TTC17: variants seen among roughly 807,000 people sequenced by gnomAD.
TTC17 encodes tetratricopeptide repeat protein 17.
A neutral mutation model predicts 143.8 loss-of-function variants in TTC17; 58 were observed. The observed-to-expected ratio is 0.40, with a 90% CI of 0.33 to 0.50. The LOEUF (loss-of-function observed/expected upper bound fraction) is 0.50. TTC17 is among the 20% of genes least tolerant of loss of function. The pLI is 0.49. For synonymous variants in TTC17, 501 were observed against 497.8 expected (o/e 1.01, Z -0.09); for missense variants, 1,273 against 1,392.5 (o/e 0.91, Z 1.37).
At chr11:43,407,283 C>T in intron 14 of TTC17, 68 bp downstream of exon 14, 1 of 1,566,634 alleles carries the variant, frequency 6.4e-7, no homozygotes, top group Non-Finnish European at 8.7e-7. Context: ...TTAAAATGCA[C>T]TTATTAAAAA....
At chr11:43,371,027 G>C (rs1011387495) in intron 1 of TTC17, among the ~76,000 whole-genome samples, 3 of 151,552 alleles carry the variant, frequency 2.0e-5, no homozygotes, top group Middle Eastern at 3.4e-3. Flanking sequence ...GGGAGGTGGG[G>C]GGGGGGGTCT....
At chr11:43,440,899 C>T (rs1438446582) in intron 16 of TTC17, among the ~76,000 whole-genome samples, 5 of 152,034 alleles carry the variant, frequency 3.3e-5, no homozygotes, top group South Asian at 2.1e-4. Flanking sequence ...AATGCCCTCA[C>T]ATGTGCCTTT....
chr11:43,372,572 C>A (rs907872902), intron 1 of TTC17, among the ~76,000 whole-genome samples: 43 of 151,712 alleles, frequency 2.8e-4, no homozygotes, highest in African/African-American at 9.9e-4. Context: ...CTCACTGCAA[C>A]CTCCACCTCC....
At chr11:43,446,137 A>C in intron 18 of TTC17, 2 of 1,370,866 alleles carry the variant, frequency 1.5e-6, no homozygotes, top group Non-Finnish European at 1.9e-6. Flanking sequence ...GTACCCTTCA[A>C]CACCATTCTC....
At chr11:43,443,711 A>C (rs1947475755) in intron 17 of TTC17, 127 bp downstream of exon 17, 1 of 1,234,664 alleles carries the variant, frequency 8.1e-7, no homozygotes, top group Non-Finnish European at 1.1e-6. Flanking sequence ...GACAGCCTTC[A>C]CATTGGAATT....
intron 8 of TTC17, among the ~76,000 whole-genome samples, chr11:43,399,316 ATCG>A (rs1283282979): frequency 6.6e-6 from 1 of 152,218 alleles, no homozygotes; most frequent in Admixed American, 6.5e-5. Flanking sequence ...AAACTTGTAT[ATCG>A]TCATGTATTT....
At chr11:43,424,906 C>G (rs1946990349) in intron 16 of TTC17, among the ~76,000 whole-genome samples, 1 of 152,186 alleles carries the variant, frequency 6.6e-6, no homozygotes, top group South Asian at 2.1e-4. Flanking sequence ...ATATAGTTCC[C>G]CCTAGTCATT....
At chr11:43,405,739 C>A in intron 12 of TTC17, 47 bp from the exon 13 acceptor site, 1 of 1,612,190 alleles carries the variant, frequency 6.2e-7, no homozygotes, top group South Asian at 1.1e-5. Flanking sequence ...ATCTTGAAGT[C>A]ACCCAAACTT....
At chr11:43,359,591 G>A (rs1856013548) in intron 1 of TTC17, among the ~76,000 whole-genome samples, 1 of 152,198 alleles carries the variant, frequency 6.6e-6, no homozygotes, top group Non-Finnish European at 1.5e-5. Flanking sequence ...TGCTCCCCTA[G>A]TCTCGTCTAC....
At position 43,377,654 on chromosome 11, in the gene TTC17, C is replaced by T. The variant is rs1463592084; in HGVS notation, c.160-1579C>T. Among the ~76,000 whole-genome samples the T allele has an allele frequency of 3.4e-4, 52 of 152,156 alleles. 1 individual carries two copies. Among genetic ancestry groups the T allele is most frequent in the Non-Finnish European group, 2.9e-5 (2 of 68,018 alleles). ...TGCTAATAATTTTATCTTTATGCCT[C>T]CTCTGTATCTTTGCTGAACTAAAAG... On this transcript the variant is annotated intron_variant, in intron 1 of 23. Coordinates refer to ENST00000039989, the MANE Select transcript of TTC17 (RefSeq NM_018259.6).
At chr11:43,445,225 A>G (rs1947515236) in intron 18 of TTC17, among the ~76,000 whole-genome samples, 1 of 152,186 alleles carries the variant, frequency 6.6e-6, no homozygotes, top group Non-Finnish European at 1.5e-5. Flanking sequence ...TCACATTTCA[A>G]TATCTCTGAA....
intron 21 of TTC17, among the ~76,000 whole-genome samples, chr11:43,467,779 T>G (rs1024036711): frequency 5.9e-5 from 9 of 152,080 alleles, no homozygotes; most frequent in Admixed American, 5.9e-4. Context: ...GAAAATCATT[T>G]TTAGTAGAAA....
At chr11:43,386,555 G>A (rs1169227080) in intron 2 of TTC17, among the ~76,000 whole-genome samples, 1 of 152,102 alleles carries the variant, frequency 6.6e-6, no homozygotes, top group African/African-American at 2.4e-5. Flanking sequence ...TACGATCTCA[G>A]GTTTGGGAAG....
At chr11:43,471,511 C>T (rs986458279) in intron 21 of TTC17, among the ~76,000 whole-genome samples, 55 of 152,322 alleles carry the variant, frequency 3.6e-4, no homozygotes, top group African/African-American at 1.3e-3. Context: ...TGCCAACCAG[C>T]CCAGCTGCAG....
intron 12 of TTC17, 35 bp downstream of exon 12, chr11:43,405,664 C>G: frequency 6.2e-7 from 1 of 1,611,734 alleles, no homozygotes. Context: ...GCACCTGATT[C>G]TGCATGATTG....
intron 16 of TTC17, among the ~76,000 whole-genome samples, chr11:43,430,479 A>G (rs1472306689): frequency 6.6e-6 from 1 of 152,042 alleles, no homozygotes; most frequent in Non-Finnish European, 1.5e-5. Context: ...AAAGAAGTAA[A>G]AGACTATAGG....
At chr11:43,399,791 A>G (rs1565145740) in intron 8 of TTC17, 97 bp from the exon 9 acceptor site, 10 of 1,239,668 alleles carry the variant, frequency 8.1e-6, no homozygotes, top group Non-Finnish European at 8.9e-6. Flanking sequence ...ACACACAGTA[A>G]TTGTTGCTGA....
chr11:43,415,967 C>T (rs1161328514), intron 16 of TTC17, among the ~76,000 whole-genome samples: 7 of 152,126 alleles, frequency 4.6e-5, no homozygotes, highest in Non-Finnish European at 8.8e-5. Context: ...TGAGCTGCAG[C>T]TCTGCCATTA....
chr11:43,390,805 C>T (rs1857356113), intron 3 of TTC17, among the ~76,000 whole-genome samples: 1 of 151,966 alleles, frequency 6.6e-6, no homozygotes, highest in African/African-American at 2.4e-5. Flanking sequence ...AGATAGTTTT[C>T]ATCTACCAAA....
Sources: allele counts gnomAD v4.1 joint callset (sites outside exome capture counted in the v4.1 genomes callset), GRCh38; gene constraint gnomAD v4.1.1; transcripts MANE v1.5; gene names NCBI Gene and HGNC (gene_info 2026-07-23, HGNC 2026-07-21).